Variants in CACNA1D observed in about 807,000 individuals in gnomAD.
CACNA1D encodes the protein voltage-dependent L-type calcium channel subunit alpha-1D.
In CACNA1D, 55 loss-of-function variants were observed where a neutral mutation model predicts 257.1. The ratio of observed to expected loss-of-function variants is 0.21; its 90% CI spans 0.17 to 0.27. CACNA1D has a LOEUF of 0.27. Among genes scored for constraint, CACNA1D ranks in the 10% least tolerant of loss-of-function variants. The probability of loss-of-function intolerance (pLI) is 1.00; values close to 1 mark genes in which losing one functional copy is unlikely to be tolerated. For synonymous variants in CACNA1D, 980 were observed against 1,014.9 expected, an observed-to-expected ratio of 0.97 and a Z score of 0.65; for missense variants, 1,876 against 2,784.0, an observed-to-expected ratio of 0.67 and a Z score of 7.34.
chr3:53,649,751 A>G (rs1479522471), intron 3 of CACNA1D, among the ~76,000 whole-genome samples: 1 of 152,218 alleles, frequency 6.6e-6, no homozygotes, highest in Non-Finnish European at 1.5e-5. Context: ...ATAGGACTCT[A>G]TAGTTCATAT....
intron 3 of CACNA1D, among the ~76,000 whole-genome samples, chr3:53,601,369 T>C (rs1449987094): frequency 6.6e-6 from 1 of 150,634 alleles, no homozygotes; most frequent in Non-Finnish European, 1.5e-5. Context: ...CAATCCACTT[T>C]ACCAAGATCT....
At chr3:53,783,850 G>C (rs1415299915) in intron 39 of CACNA1D, among the ~76,000 whole-genome samples, 1 of 152,238 alleles carries the variant, frequency 6.6e-6, no homozygotes, top group East Asian at 1.9e-4. Context: ...CAGATGTGGA[G>C]TTCTTGAGGC....
rs77600623 is a variant in CACNA1D at position 53,613,133 on chromosome 3, G to C, written c.484-37646G>C. 4.8e-3 allele frequency among the ~76,000 whole-genome samples: 725 copies of C among 152,318 alleles called. 5 individuals carry two copies. The highest frequency in any genetic ancestry group is 0.016 in the African/African-American group (676 of 41,578). ...ACACCACAGAGTATGCTGCTGAGTT[G>C]CTCTGATTAACCCTAAATTTGTGAA... is the stretch of plus-strand genomic sequence containing the variant. On this transcript the variant is annotated intron_variant, in intron 3 of 47. Transcript: ENST00000350061.
At chr3:53,564,739 C>A (rs2092803756) in intron 3 of CACNA1D, among the ~76,000 whole-genome samples, 1 of 152,162 alleles carries the variant, frequency 6.6e-6, no homozygotes, top group South Asian at 2.1e-4. Flanking sequence ...GAGGCAAGTA[C>A]TGTTGCTATT....
At position 53,732,851 on chromosome 3, in the gene CACNA1D, C is replaced by A; in HGVS notation, c.2510C>A (p.Pro837His). ...GAAGAGGAAGAGGAGGAGGATGAACCTGAGGTTCCTGCCGGACCCCGTCCT... is the reference window on the plus strand; with the variant it reads ...GAAGAGGAAGAGGAGGAGGATGAACATGAGGTTCCTGCCGGACCCCGTCCT... ...EEEEEEEEDE[P>H]EVPAGPRPRR... The change falls in exon 19 of 48, where the codon CCT (proline) becomes CAT (histidine). Residue 837 changes from proline to histidine, a missense_variant. This residue lies in a region of CACNA1D where 271 missense variants were observed against 425.5 expected (regional missense o/e 0.64). Coordinates refer to ENST00000350061, the MANE Select transcript of CACNA1D (RefSeq NM_001128840.3). 6.2e-7 allele frequency: 1 copy of A among 1,613,832 alleles called. No individual in the cohort carries two copies. Among genetic ancestry groups the A allele is most frequent in the Non-Finnish European group, 8.5e-7 (1 of 1,179,772 alleles).
At position 53,648,829 on chromosome 3, in the gene CACNA1D, AACACAC is replaced by A. The variant is rs148968944; in HGVS notation, c.484-1922_484-1917del. On this transcript the variant is annotated intron_variant, in intron 3 of 47. Coordinates refer to ENST00000350061, the MANE Select transcript of CACNA1D (RefSeq NM_001128840.3). ...CACACTGATGCTGGCTAACTCTCAA[AACACAC>A]ACACACACACACACACACACACACA... Among the ~76,000 whole-genome samples, 1,250 of 146,842 alleles carry A rather than the reference AACACAC, an allele frequency of 8.5e-3. 23 individuals are homozygous for A. Among genetic ancestry groups the A allele is most frequent in the African/African-American group, 0.028 (1,121 of 40,086 alleles).
chr3:53,566,367 C>T (rs1377412307), intron 3 of CACNA1D, among the ~76,000 whole-genome samples: 1 of 152,166 alleles, frequency 6.6e-6, no homozygotes, highest in Admixed American at 6.5e-5. Flanking sequence ...CCTGTATGTG[C>T]TTCCCTGGAT....
chr3:53,693,330 C>A (rs1013184201), intron 8 of CACNA1D, among the ~76,000 whole-genome samples: 7 of 152,190 alleles, frequency 4.6e-5, no homozygotes, highest in Non-Finnish European at 1.0e-4. Context: ...AGAGAACATC[C>A]TTTGGCTATC....
intron 8 of CACNA1D, among the ~76,000 whole-genome samples, chr3:53,688,573 C>T (rs2094493344): frequency 6.6e-6 from 1 of 152,178 alleles, no homozygotes; most frequent in African/African-American, 2.4e-5. Flanking sequence ...GTTGTGTCCT[C>T]CTCCTCGGAG....
intron 25 of CACNA1D, among the ~76,000 whole-genome samples, chr3:53,746,345 C>G (rs2095168915): frequency 6.6e-6 from 1 of 152,290 alleles, no homozygotes; most frequent in South Asian, 2.1e-4. Context: ...TAGACTTCCT[C>G]TCTCCTGGCT....
chr3:53,759,828 A>G (rs796830465), intron 29 of CACNA1D, among the ~76,000 whole-genome samples: 8 of 152,358 alleles, frequency 5.3e-5, no homozygotes, highest in African/African-American at 1.7e-4. Flanking sequence ...TTCCCTTACA[A>G]CCTGAGGCTA....
chr3:53,588,359 C>T (rs1559882222), intron 3 of CACNA1D, among the ~76,000 whole-genome samples: 1 of 152,238 alleles, frequency 6.6e-6, no homozygotes, highest in Non-Finnish European at 1.5e-5. Context: ...ATGCACAGGA[C>T]TCAGACCCAG....
rs546419518 is a variant in CACNA1D, at chr3:53,677,892, C to G, written c.1220+4766C>G. Among the ~76,000 whole-genome samples, 2 of 152,270 alleles carry G rather than the reference C, an allele frequency of 1.3e-5. 1 individual carries two copies. Among genetic ancestry groups the G allele is most frequent in the South Asian group, 4.1e-4 (2 of 4,820 alleles). On this transcript the variant is annotated intron_variant, in intron 8 of 47. Coordinates refer to ENST00000350061, the MANE Select transcript of CACNA1D (RefSeq NM_001128840.3). ...ACTTACCTCTTTGAGCCTTACTTTCCTCATCTGTGAAATGGAGCTCATCAC... is the reference window on the plus strand; with the variant it reads ...ACTTACCTCTTTGAGCCTTACTTTCGTCATCTGTGAAATGGAGCTCATCAC...
In CACNA1D at chr3:53,559,079, GTT is replaced by G. The variant is rs537871581; in HGVS notation, c.483+57362_483+57363del. 1.2e-4 allele frequency among the ~76,000 whole-genome samples: 18 copies of G among 151,908 alleles called. No individual in the cohort carries two copies. The East Asian group carries it at 3.3e-3, about 28-fold the overall frequency. ...TTTTATAATCTTTTTTTCTCTTCAT[GTT>G]TTACATTAGATAATCTCTATTAATC... is the stretch of plus-strand genomic sequence containing the variant. On this transcript the variant is annotated intron_variant, in intron 3 of 47. Coordinates refer to ENST00000350061, the MANE Select transcript of CACNA1D (RefSeq NM_001128840.3).
At chr3:53,688,027 T>C (rs1464197689) in intron 8 of CACNA1D, among the ~76,000 whole-genome samples, 3 of 152,250 alleles carry the variant, frequency 2.0e-5, no homozygotes, top group African/African-American at 7.2e-5. Context: ...TTTGTCAGTA[T>C]CTCATAAAGT....
At chr3:53,548,172 T>C (rs2092452635) in intron 3 of CACNA1D, among the ~76,000 whole-genome samples, 2 of 152,148 alleles carry the variant, frequency 1.3e-5, no homozygotes, top group East Asian at 3.8e-4. Flanking sequence ...TCTTTGCACC[T>C]TTCTCCCCTG....
At chr3:53,529,041 A>G (rs1406562886) in intron 3 of CACNA1D, among the ~76,000 whole-genome samples, 2 of 152,200 alleles carry the variant, frequency 1.3e-5, no homozygotes, top group African/African-American at 2.4e-5. Flanking sequence ...AAGACCTTCC[A>G]TATGGTATAG....
At chr3:53,682,118 A>C (rs780593370) in intron 8 of CACNA1D, among the ~76,000 whole-genome samples, 16 of 152,162 alleles carry the variant, frequency 1.1e-4, no homozygotes, top group Non-Finnish European at 2.2e-4. Context: ...AGTGATATTC[A>C]AATTTACATT....
chr3:53,727,913 A>G (rs2094951380), intron 15 of CACNA1D, among the ~76,000 whole-genome samples: 1 of 151,832 alleles, frequency 6.6e-6, no homozygotes. Flanking sequence ...CCCCTTTTCT[A>G]CAAGGACAAT....
Sources: allele counts gnomAD v4.1 joint callset (sites outside exome capture counted in the v4.1 genomes callset), GRCh38; gene constraint gnomAD v4.1.1; regional missense constraint gnomAD v4.1.1; transcripts MANE v1.5; gene names NCBI Gene and HGNC (gene_info 2026-07-23, HGNC 2026-07-21).